The following ATXN10 variants were observed in gnomAD, a reference collection of about 807,000 sequenced individuals.
ATXN10 encodes ataxin-10.
In ATXN10, 28 loss-of-function variants were observed where a neutral mutation model predicts 52.9. That is an observed-to-expected ratio of 0.53 (90% CI 0.39 to 0.73). ATXN10 has a LOEUF of 0.73. Ranked by LOEUF, ATXN10 falls within the 30% of genes least tolerant of loss-of-function variation. ATXN10 has a pLI of 0.00. For synonymous variants in ATXN10, 226 were observed against 221.5 expected, an observed-to-expected ratio of 1.02 and a Z score of -0.18; for missense variants, 565 against 577.0, an observed-to-expected ratio of 0.98 and a Z score of 0.21.
chr22:45,807,882 TGAG>T lies in ATXN10; in HGVS notation c.1237+864_1237+866del, dbSNP rs533208246. 1.4e-3 allele frequency among the ~76,000 whole-genome samples: 209 copies of T among 152,136 alleles called. 1 individual carries two copies. The highest frequency in any genetic ancestry group is 6.8e-3 in the Middle Eastern group (2 of 294). On this transcript the variant is annotated intron_variant, in intron 10 of 11. Coordinates refer to ENST00000252934, the MANE Select transcript of ATXN10 (RefSeq NM_013236.4). Reference sequence around the variant, plus strand: ...GGCAGTGAGGAGCCTAGCCTAGCATTGAGGAGACTGAGGAGGGGGGCATTTTAA... The same window carrying T: ...GGCAGTGAGGAGCCTAGCCTAGCATTGAGACTGAGGAGGGGGGCATTTTAA...
chr22:45,746,936 A>G (rs1925752644), intron 9 of ATXN10, among the ~76,000 whole-genome samples: 1 of 152,180 alleles, frequency 6.6e-6, no homozygotes, highest in African/African-American at 2.4e-5. Flanking sequence ...ACGTAAACTG[A>G]TCACCAGCAG....
intron 10 of ATXN10, among the ~76,000 whole-genome samples, chr22:45,807,853 G>A (rs746838145): frequency 7.9e-5 from 12 of 152,266 alleles, no homozygotes; most frequent in Admixed American, 7.2e-4. Context: ...CGTAGCCTGC[G>A]GGAGGCAGTG....
rs1926292709 is a variant in ATXN10, at chr22:45,759,327, C to T, written c.1173+18789C>T. Among the ~76,000 whole-genome samples, 1 of 152,176 alleles carries T rather than the reference C, an allele frequency of 6.6e-6. No homozygotes were observed. Among genetic ancestry groups the T allele is most frequent in the Non-Finnish European group, 1.5e-5 (1 of 68,040 alleles). ...AGGAGTTCAAGACCAGCCTGGCTAA[C>T]ATGGTGAAACCCTGTCTCTACTAAA... On this transcript the variant is annotated intron_variant, in intron 9 of 11. Coordinates refer to ENST00000252934, the MANE Select transcript of ATXN10 (RefSeq NM_013236.4). The surrounding 1 kb of genome is among the most constrained non-coding windows in gnomAD (Gnocchi z 5.4).
intron 9 of ATXN10, among the ~76,000 whole-genome samples, chr22:45,804,613 T>C (rs1928038559): frequency 1.3e-5 from 2 of 152,258 alleles, no homozygotes; most frequent in African/African-American, 2.4e-5. Context: ...TCTTAGGTTA[T>C]GTATATCTCA....
chr22:45,687,655 T>A (rs1161361227), intron 1 of ATXN10, among the ~76,000 whole-genome samples: 1 of 152,220 alleles, frequency 6.6e-6, no homozygotes, highest in Non-Finnish European at 1.5e-5. Context: ...TTCTTTGTCC[T>A]AGAAATTGTG....
intron 10 of ATXN10, among the ~76,000 whole-genome samples, chr22:45,834,191 T>G (rs577091877): frequency 1.3e-5 from 2 of 152,294 alleles, no homozygotes; most frequent in South Asian, 2.1e-4. Context: ...GACACTTAAT[T>G]GTACAAAGCT....
chr22:45,673,909 G>C (rs1280533366), intron 1 of ATXN10: 4 of 152,190 alleles, frequency 2.6e-5, no homozygotes, highest in Non-Finnish European at 4.4e-5. Flanking sequence ...CATTTAGTCA[G>C]ACATCAGTTC....
intron 9 of ATXN10, among the ~76,000 whole-genome samples, chr22:45,776,201 T>C (rs1243944940): frequency 6.6e-6 from 1 of 152,236 alleles, no homozygotes; most frequent in Non-Finnish European, 1.5e-5. Context: ...ATTGTTTCCA[T>C]TTCTTTCTGT....
At chr22:45,779,799 T>C (rs994597304) in intron 9 of ATXN10, among the ~76,000 whole-genome samples, 4 of 152,208 alleles carry the variant, frequency 2.6e-5, no homozygotes, top group African/African-American at 4.8e-5. Flanking sequence ...ATAGAATTCG[T>C]ACATACTTTT....
chr22:45,819,681 CCTGTGGT>C lies in ATXN10; in HGVS notation c.1237+12665_1237+12671del, dbSNP rs1928585890. On this transcript the variant is annotated intron_variant, in intron 10 of 11. Transcript: ENST00000252934. This position sits in a 1 kb window ranked among gnomAD's most constrained non-coding sequence, Gnocchi z 4.5. Reference sequence around the variant, plus strand: ...ATGAAGTGCTGAGATGAGTTCTTGGCCTGTGGTCTGTGCTTGTATACATTATTATTAT... The same window carrying C: ...ATGAAGTGCTGAGATGAGTTCTTGGCCTGTGCTTGTATACATTATTATTAT... Among the ~76,000 whole-genome samples the C allele has an allele frequency of 6.6e-6, 1 of 152,102 alleles. No individual in the cohort carries two copies. Among genetic ancestry groups the C allele is most frequent in the South Asian group, 2.1e-4 (1 of 4,816 alleles).
chr22:45,770,781 C>G lies in ATXN10; in HGVS notation c.1173+30243C>G, dbSNP rs958978624. ...GGGCAGGATCCAGCCACGTCACATT[C>G]TCCATGCCTTGCTGGGACCCTTTAG... On this transcript the variant is annotated intron_variant, in intron 9 of 11. Coordinates refer to ENST00000252934, the MANE Select transcript of ATXN10 (RefSeq NM_013236.4). The surrounding 1 kb of genome is among the most constrained non-coding windows in gnomAD (Gnocchi z 4.5). Among the ~76,000 whole-genome samples, 1 of 152,256 alleles carries G rather than the reference C, an allele frequency of 6.6e-6. No homozygotes were observed. Among genetic ancestry groups the G allele is most frequent in the African/African-American group, 2.4e-5 (1 of 41,474 alleles).
intron 9 of ATXN10, among the ~76,000 whole-genome samples, chr22:45,765,252 G>A (rs897748695): frequency 6.6e-6 from 1 of 152,116 alleles, no homozygotes; most frequent in Non-Finnish European, 1.5e-5. Flanking sequence ...AAGATCAGGA[G>A]GTTGCAGCAC....
At position 45,750,186 on chromosome 22, in the gene ATXN10, C is replaced by G. The variant is rs1302635915; in HGVS notation, c.1173+9648C>G. ...GGTGTGATCACAGCTCACCGCAGTT[C>G]TGTGCTCAAGTGATCCTCCCGCCTC... On this transcript the variant is annotated intron_variant, in intron 9 of 11. Transcript: ENST00000252934. The surrounding 1 kb of genome is among the most constrained non-coding windows in gnomAD (Gnocchi z 4.2). 6.6e-6 allele frequency among the ~76,000 whole-genome samples: 1 copy of G among 152,116 alleles called. No homozygotes were observed. Among genetic ancestry groups the G allele is most frequent in the African/African-American group, 2.4e-5 (1 of 41,396 alleles).
chr22:45,811,437 C>G (rs550773637), intron 10 of ATXN10, among the ~76,000 whole-genome samples: 1 of 152,136 alleles, frequency 6.6e-6, no homozygotes, highest in East Asian at 1.9e-4. Context: ...CAACACAGAC[C>G]CATATTCAAC....
In ATXN10 at chr22:45,780,889, G is replaced by T. The variant is rs148262469; in HGVS notation, c.1174-26070G>T. ...ATATATGAAACAATCATGGAAACAC[G>T]TGACAGGTGGGGAGAAGACGGCATA... On this transcript the variant is annotated intron_variant, in intron 9 of 11. Coordinates refer to ENST00000252934, the MANE Select transcript of ATXN10 (RefSeq NM_013236.4). This position sits in a 1 kb window ranked among gnomAD's most constrained non-coding sequence, Gnocchi z 4.0. 1.8e-3 allele frequency among the ~76,000 whole-genome samples: 273 copies of T among 152,204 alleles called. 1 individual carries two copies. The highest frequency in any genetic ancestry group is 6.1e-3 in the African/African-American group (253 of 41,536).
intron 1 of ATXN10, among the ~76,000 whole-genome samples, chr22:45,687,271 T>G (rs1923183275): frequency 6.6e-6 from 1 of 152,244 alleles, no homozygotes; most frequent in African/African-American, 2.4e-5. Flanking sequence ...TCCCATTTTC[T>G]TTAAGAATAT....
At chr22:45,776,839 T>C (rs1050512062) in intron 9 of ATXN10, among the ~76,000 whole-genome samples, 1 of 152,206 alleles carries the variant, frequency 6.6e-6, no homozygotes, top group Non-Finnish European at 1.5e-5. Context: ...TTAAATTATG[T>C]TTTTGCCAGT....
chr22:45,802,287 A>G (rs1927955322), intron 9 of ATXN10, among the ~76,000 whole-genome samples: 1 of 152,114 alleles, frequency 6.6e-6, no homozygotes. Flanking sequence ...CCTACAATCA[A>G]CTCCCAACAT....
intron 3 of ATXN10, among the ~76,000 whole-genome samples, chr22:45,694,035 G>A (rs1407383092): frequency 6.6e-6 from 1 of 152,162 alleles, no homozygotes; most frequent in Non-Finnish European, 1.5e-5. Context: ...CAGACAAAAA[G>A]TGTCTGTCCT....
Sources: allele counts gnomAD v4.1 joint callset (sites outside exome capture counted in the v4.1 genomes callset), GRCh38; gene constraint gnomAD v4.1.1; non-coding constraint Gnocchi (gnomAD v3.1); transcripts MANE v1.5; gene names NCBI Gene and HGNC (gene_info 2026-07-23, HGNC 2026-07-21).